PKP2: variants seen among roughly 807,000 people sequenced by gnomAD.
PKP2 encodes the protein plakophilin-2.
PKP2 carries 73 observed loss-of-function variants against 83.4 expected under a neutral mutation model. The ratio of observed to expected loss-of-function variants is 0.88; its 90% CI spans 0.72 to 1.06. The LOEUF (loss-of-function observed/expected upper bound fraction) is 1.06. Among genes scored for constraint, PKP2 ranks in the 50% least tolerant of loss-of-function variants. The probability of loss-of-function intolerance (pLI) is 0.00; values close to 1 mark genes in which losing one functional copy is unlikely to be tolerated. For synonymous variants in PKP2, 409 were observed against 430.4 expected (o/e 0.95, Z 0.62); for missense variants, 966 against 1,065.4 (o/e 0.91, Z 1.30).
intron 3 of PKP2, 38 bp downstream of exon 3, chr12:32,877,808 T>C (rs374050236): frequency 2.8e-6 from 4 of 1,434,238 alleles, no homozygotes; most frequent in South Asian, 1.2e-5. Flanking sequence ...CAGAATGTGC[T>C]GGCAATGACT....
intron 4 of PKP2, among the ~76,000 whole-genome samples, chr12:32,865,958 A>G (rs1225781325): frequency 6.6e-6 from 1 of 152,200 alleles, no homozygotes; most frequent in African/African-American, 2.4e-5. Flanking sequence ...AATATAGATT[A>G]TCTTCTAACT....
chr12:32,802,689 C>T (rs1956193820), intron 9 of PKP2, 133 bp from the exon 10 acceptor site: 1 of 823,072 alleles, frequency 1.2e-6, no homozygotes, highest in Non-Finnish European at 1.9e-6. Context: ...GACAAAGTCT[C>T]TCTCTGTCAT....
chr12:32,881,463 T>C (rs1956985679), intron 1 of PKP2, among the ~76,000 whole-genome samples: 1 of 152,190 alleles, frequency 6.6e-6, no homozygotes, highest in Non-Finnish European at 1.5e-5. Context: ...AGTCTCGCTA[T>C]GTTGCCCAGG....
chr12:32,814,983 C>T (rs1256551191), intron 9 of PKP2, among the ~76,000 whole-genome samples: 1 of 151,780 alleles, frequency 6.6e-6, no homozygotes, highest in Non-Finnish European at 1.5e-5. Context: ...ATTTTTCTCT[C>T]ACCCATCAAA....
intron 4 of PKP2, among the ~76,000 whole-genome samples, chr12:32,857,568 T>C (rs967862751): frequency 6.6e-6 from 1 of 152,214 alleles, no homozygotes; most frequent in Admixed American, 6.5e-5. Context: ...GTCCAAATTA[T>C]AATTTTCTCT....
intron 9 of PKP2, among the ~76,000 whole-genome samples, chr12:32,803,883 T>C (rs1430361706): frequency 6.6e-6 from 1 of 152,208 alleles, no homozygotes; most frequent in Non-Finnish European, 1.5e-5. Context: ...CAGCCACCCA[T>C]GTGGACAATC....
At chr12:32,854,953 A>G (rs1405227263) in intron 4 of PKP2, among the ~76,000 whole-genome samples, 1 of 152,204 alleles carries the variant, frequency 6.6e-6, no homozygotes, top group Non-Finnish European at 1.5e-5. Flanking sequence ...CTCTTCTGGC[A>G]AAGCCCTACT....
intron 6 of PKP2, among the ~76,000 whole-genome samples, chr12:32,840,797 C>T (rs1356555977): frequency 2.0e-5 from 3 of 151,974 alleles, no homozygotes; most frequent in African/African-American, 7.2e-5. Flanking sequence ...GTGGCTCACG[C>T]CTATAATCCC....
At chr12:32,832,315 T>G (rs939476771) in intron 6 of PKP2, among the ~76,000 whole-genome samples, 9 of 151,970 alleles carry the variant, frequency 5.9e-5, no homozygotes, top group African/African-American at 2.2e-4. Flanking sequence ...GAAGCGGAGG[T>G]TGCAGTGAGC....
intron 1 of PKP2, among the ~76,000 whole-genome samples, chr12:32,888,438 G>A (rs918814238): frequency 6.6e-6 from 1 of 151,636 alleles, no homozygotes; most frequent in Non-Finnish European, 1.5e-5. Flanking sequence ...CCTCTCACGT[G>A]CCAGGGTTAA....
At chr12:32,845,347 T>C (rs1050623573) in intron 5 of PKP2, among the ~76,000 whole-genome samples, 2 of 151,994 alleles carry the variant, frequency 1.3e-5, no homozygotes, top group African/African-American at 4.8e-5. Flanking sequence ...GTCAGGAGAT[T>C]GAGACCATCC....
intron 1 of PKP2, among the ~76,000 whole-genome samples, chr12:32,885,472 G>A (rs1957022763): frequency 6.6e-6 from 1 of 152,086 alleles, no homozygotes; most frequent in African/African-American, 2.4e-5. Context: ...TGGCCAACAC[G>A]GGGAAAGCCT....
At chr12:32,793,578 C>T (rs1956092601) in intron 11 of PKP2, among the ~76,000 whole-genome samples, 1 of 145,660 alleles carries the variant, frequency 6.9e-6, no homozygotes, top group Non-Finnish European at 1.5e-5. Context: ...AAAGTCACCA[C>T]TGCATTTGAA....
chr12:32,888,095 T>C (rs1237794175), intron 1 of PKP2, among the ~76,000 whole-genome samples: 3 of 152,172 alleles, frequency 2.0e-5, no homozygotes, highest in African/African-American at 7.2e-5. Flanking sequence ...GGTGAGAGAA[T>C]GGCTTGAGCC....
chr12:32,804,456 C>T (rs1956207388), intron 9 of PKP2, among the ~76,000 whole-genome samples: 1 of 152,166 alleles, frequency 6.6e-6, no homozygotes, highest in African/African-American at 2.4e-5. Flanking sequence ...GATGCTCTCC[C>T]TCATCCCCCA....
At chr12:32,894,803 T>G (rs926956920) in intron 1 of PKP2, 1 of 152,148 alleles carries the variant, frequency 6.6e-6, no homozygotes, top group Non-Finnish European at 1.5e-5. Flanking sequence ...AATGAATGGG[T>G]GTAATGGCTC....
intron 9 of PKP2, among the ~76,000 whole-genome samples, chr12:32,817,886 G>A (rs1956334581): frequency 2.0e-5 from 3 of 152,176 alleles, no homozygotes; most frequent in Admixed American, 2.0e-4. Flanking sequence ...AGTATTATTA[G>A]TGCTTGAGCT....
intron 1 of PKP2, among the ~76,000 whole-genome samples, chr12:32,885,716 T>C (rs919070920): frequency 1.3e-5 from 2 of 151,750 alleles, no homozygotes; most frequent in Admixed American, 6.6e-5. Context: ...TTGTGAACAA[T>C]TTTATTATGT....
chr12:32,803,607 G>C (rs1956201426), intron 9 of PKP2, among the ~76,000 whole-genome samples: 1 of 152,040 alleles, frequency 6.6e-6, no homozygotes, highest in African/African-American at 2.4e-5. Context: ...TCTTTTGGTA[G>C]AATTTAGCCA....
Sources: allele counts gnomAD v4.1 joint callset (sites outside exome capture counted in the v4.1 genomes callset), GRCh38; gene constraint gnomAD v4.1.1; transcripts MANE v1.5; gene names NCBI Gene and HGNC (gene_info 2026-07-23, HGNC 2026-07-21).